The following PITPNA variants were observed in gnomAD, a reference collection of about 807,000 sequenced individuals.
PITPNA encodes the protein phosphatidylinositol transfer protein alpha.
PITPNA carries 13 observed loss-of-function variants against 50.3 expected under a neutral mutation model. That is an observed-to-expected ratio of 0.26 (90% CI 0.17 to 0.41). The LOEUF (loss-of-function observed/expected upper bound fraction) is 0.41, where lower values mean the gene tolerates loss of function less well. PITPNA is among the 10% of genes least tolerant of loss of function. The pLI, the probability that PITPNA is intolerant of heterozygous loss-of-function variation, is 1.00. For missense variants in PITPNA, 207 were observed against 333.4 expected (o/e 0.62, Z 2.95); for synonymous variants, 120 against 119.6 (o/e 1.00, Z -0.02).
At chr17:1,551,506 T>C (rs1490302624) in intron 3 of PITPNA, among the ~76,000 whole-genome samples, 1 of 152,070 alleles carries the variant, frequency 6.6e-6, no homozygotes, top group Non-Finnish European at 1.5e-5. Flanking sequence ...TTGCCCAGGC[T>C]GGTCTCAAAC....
intron 9 of PITPNA, among the ~76,000 whole-genome samples, chr17:1,534,424 G>A (rs2075602831): frequency 1.3e-5 from 2 of 152,212 alleles, no homozygotes; most frequent in South Asian, 4.1e-4. Flanking sequence ...GCTTCACATA[G>A]GAGGGAGCCC....
intron 10 of PITPNA, among the ~76,000 whole-genome samples, chr17:1,527,400 C>T (rs1364445910): frequency 1.3e-5 from 2 of 152,074 alleles, no homozygotes; most frequent in African/African-American, 2.4e-5. Flanking sequence ...TGCACCACCA[C>T]GCCTGGCTAA....
At chr17:1,529,155 A>AAAGAG (rs1555530754) in intron 10 of PITPNA, among the ~76,000 whole-genome samples, 3 of 106,636 alleles carry the variant, frequency 2.8e-5, no homozygotes, top group African/African-American at 1.2e-4. Flanking sequence ...AAAAAAAAAA[A>AAAGAG]AGAGAGAGAG....
intron 10 of PITPNA, among the ~76,000 whole-genome samples, chr17:1,527,088 T>A (rs1382424326): frequency 6.6e-6 from 1 of 151,784 alleles, no homozygotes; most frequent in African/African-American, 2.4e-5. Flanking sequence ...GATCTAAGAA[T>A]GCTTATTTCC....
intron 10 of PITPNA, among the ~76,000 whole-genome samples, chr17:1,522,513 C>T (rs1056331165): frequency 7.9e-5 from 12 of 152,126 alleles, no homozygotes; most frequent in Non-Finnish European, 1.8e-4. Context: ...GCTGGGATTG[C>T]AGGTATGCAC....
At position 1,541,635 on chromosome 17, in the gene PITPNA, C is replaced by A. The variant is rs1189685154; in HGVS notation, c.303G>T (p.Glu101Asp). 1 of 1,607,362 alleles carries A rather than the reference C, an allele frequency of 6.2e-7. No homozygotes were observed. Residue 101 changes from glutamate (E) to aspartate (D), a missense_variant, in exon 6 of 12, where the codon GAG (glutamate) becomes GAT (aspartate). Glu to Asp is a conservative substitution (Grantham distance 45). Transcript: ENST00000313486. ...TAATCAGAAAGTCTTCTTTCATGTACTCATTCTGGAAGAAGGAAAAAAAAT... is the reference window on the plus strand; with the variant it reads ...TAATCAGAAAGTCTTCTTTCATGTAATCATTCTGGAAGAAGGAAAAAAAAT... ...YPYCRTVITN[E>D]YMKEDFLIKI...
rs73298821 is a variant in PITPNA at position 1,560,618 on chromosome 17, A to C, written c.20+1923T>G. On this transcript the variant is annotated intron_variant, in intron 1 of 11. Transcript: ENST00000313486. ...CCCTTCCTTTCCCTGCCTGACCTTC[A>C]TTTCAAAACCACAGATTTCTACAGA... Among the ~76,000 whole-genome samples, 1,225 of 152,252 alleles carry C rather than the reference A, an allele frequency of 8.0e-3. 21 individuals are homozygous for C. The highest frequency in any genetic ancestry group is 0.028 in the African/African-American group (1,170 of 41,540).
rs2075773520 is a variant in PITPNA at position 1,562,465 on chromosome 17, C to T, written c.20+76G>A. On this transcript the variant is annotated intron_variant, in intron 1 of 11. Coordinates refer to ENST00000313486, the MANE Select transcript of PITPNA (RefSeq NM_006224.4). The surrounding 1 kb of genome is among the most constrained non-coding windows in gnomAD (Gnocchi z 6.4). ...CCTCCGTCCATCCGGGCCCTGCGTC[C>T]CTCGCCGCGCCGTCGCCCCGGCGGC... 4 of 1,250,016 alleles carry T rather than the reference C, an allele frequency of 3.2e-6. No homozygotes were observed. Among genetic ancestry groups the T allele is most frequent in the Non-Finnish European group, 4.3e-6 (4 of 939,568 alleles). 77.4% of individuals were successfully genotyped at this position (1,250,016 alleles called of 1,614,324 possible).
Position 1,524,130 on chromosome 17 carries a change from T to C in PITPNA, c.769-2485A>G, listed in dbSNP as rs535006225. 3.6e-4 allele frequency among the ~76,000 whole-genome samples: 55 copies of C among 150,926 alleles called. No homozygotes were observed. The East Asian group carries it at 8.4e-3, about 23-fold the overall frequency. ...CACGATCTTGGCTCACTGCAAGCTC[T>C]GCCTCCTGGGTTCACGCCATTCTCC... is the stretch of plus-strand genomic sequence containing the variant. On this transcript the variant is annotated intron_variant, in intron 10 of 11. Coordinates refer to ENST00000313486, the MANE Select transcript of PITPNA (RefSeq NM_006224.4).
rs1435272342 is a variant in PITPNA at position 1,534,033 on chromosome 17, C to T, written c.768+66G>A. ...GGATGGTGCTCTCGGTGAAGCGCCCCAGCAAAACAGTCTCCTTAATCTTCG... is the reference window on the plus strand; with the variant it reads ...GGATGGTGCTCTCGGTGAAGCGCCCTAGCAAAACAGTCTCCTTAATCTTCG... On this transcript the variant is annotated intron_variant, in intron 10 of 11. Transcript: ENST00000313486. 3.1e-6 allele frequency: 5 copies of T among 1,590,770 alleles called. No individual in the cohort carries two copies. In the African/African-American group the frequency reaches 5.4e-5, roughly 17 times the overall value.
At chr17:1,560,191 G>A (rs777283965) in intron 1 of PITPNA, among the ~76,000 whole-genome samples, 1 of 152,180 alleles carries the variant, frequency 6.6e-6, no homozygotes, top group South Asian at 2.1e-4. Flanking sequence ...GGCTGCTGAC[G>A]TGACGGCTGC....
chr17:1,536,853 A>T (rs1014913237), intron 7 of PITPNA, among the ~76,000 whole-genome samples: 1 of 150,000 alleles, frequency 6.7e-6, no homozygotes, highest in African/African-American at 2.5e-5. Context: ...TCAGCCTCCC[A>T]AAGTGCTGGG....
rs1388075918 is a variant in PITPNA at position 1,518,008 on chromosome 17, A to G, written c.*2553T>C. 1.2e-4 allele frequency: 18 copies of G among 152,646 alleles called. No homozygotes were observed. The highest frequency in any genetic ancestry group is 4.1e-4 in the African/African-American group (17 of 41,448). The allele number at this position is 152,646 out of a possible 1,614,324, so 9.5% of individuals were successfully genotyped here. A position where few individuals can be genotyped will look rare whatever the true frequency, so the allele number is the denominator to read the frequency against. Reference sequence around the variant, plus strand: ...AGAAAGTTCTGTCTAGGATTTTATTAGACTGCTTTTTTTCTCAATATACCT... The same window carrying G: ...AGAAAGTTCTGTCTAGGATTTTATTGGACTGCTTTTTTTCTCAATATACCT... On this transcript the variant is annotated 3_prime_UTR_variant, in exon 12 of 12. Transcript: ENST00000313486.
At chr17:1,540,855 GATTA>G (rs1257893918) in intron 6 of PITPNA, among the ~76,000 whole-genome samples, 3 of 152,190 alleles carry the variant, frequency 2.0e-5, no homozygotes, top group Non-Finnish European at 4.4e-5. Flanking sequence ...AAAGTGCTGG[GATTA>G]CAGGCGTGAG....
chr17:1,560,726 A>G (rs541149454), intron 1 of PITPNA, among the ~76,000 whole-genome samples: 15 of 152,220 alleles, frequency 9.9e-5, no homozygotes, highest in Non-Finnish European at 1.8e-4. Flanking sequence ...ATTAAAATCT[A>G]AAGTGCACCA....
At chr17:1,520,942 C>T (rs938953148) in intron 11 of PITPNA, among the ~76,000 whole-genome samples, 28 of 152,024 alleles carry the variant, frequency 1.8e-4, no homozygotes, top group African/African-American at 5.6e-4. Context: ...TCCCATGACT[C>T]GGGTGGTGTA....
rs2075774075 is a variant in PITPNA at position 1,562,554 on chromosome 17, G to C, written c.7C>G (p.Leu3Val). Residue 3 changes from leucine (L) to valine (V), a missense_variant, in exon 1 of 12, where the codon CTG becomes GTG. Transcript: ENST00000313486. This position sits in a 1 kb window ranked among gnomAD's most constrained non-coding sequence, Gnocchi z 6.4. ...CCGGACACTCACTACTCCTTGAGCA[G>C]CACCATGTCGCTTCGCGGCTCGGTG... MV[L>V]LKEYRVILPV... is the part of the protein sequence containing the mutation. 4 of 1,366,972 alleles carry C rather than the reference G, an allele frequency of 2.9e-6. No homozygotes were observed. The highest frequency in any genetic ancestry group is 3.8e-6 in the Non-Finnish European group (4 of 1,050,062). 84.7% of individuals were successfully genotyped at this position (1,366,972 alleles called of 1,614,324 possible).
At chr17:1,547,867 G>A (rs968350019) in intron 4 of PITPNA, among the ~76,000 whole-genome samples, 2 of 151,872 alleles carry the variant, frequency 1.3e-5, no homozygotes, top group Non-Finnish European at 2.9e-5. Context: ...GGCGGTATGC[G>A]CCTGTAGTCC....
Position 1,521,663 on chromosome 17 carries a change from G to A in PITPNA, c.769-18C>T. On this transcript the variant is annotated intron_variant, in intron 10 of 11. Coordinates refer to ENST00000313486, the MANE Select transcript of PITPNA (RefSeq NM_006224.4). Reference sequence around the variant, plus strand: ...TGTCTCATCTGGAACAAAAAAAGCAGGACAAATGGAAGGCTCCTGCTGCTG... The same window carrying A: ...TGTCTCATCTGGAACAAAAAAAGCAAGACAAATGGAAGGCTCCTGCTGCTG... 1.2e-6 allele frequency: 2 copies of A among 1,609,396 alleles called. No homozygotes were observed. Among genetic ancestry groups the A allele is most frequent in the South Asian group, 1.1e-5 (1 of 91,006 alleles).
Sources: allele counts gnomAD v4.1 joint callset (sites outside exome capture counted in the v4.1 genomes callset), GRCh38; gene constraint gnomAD v4.1.1; non-coding constraint Gnocchi (gnomAD v3.1); transcripts MANE v1.5; gene names NCBI Gene and HGNC (gene_info 2026-07-23, HGNC 2026-07-21).